The following CCDC77 variants were observed in gnomAD, a reference collection of about 807,000 sequenced individuals.
CCDC77 encodes the protein coiled-coil domain-containing protein 77.
In CCDC77, 56 loss-of-function variants were observed where a neutral mutation model predicts 66.8. That is an observed-to-expected ratio of 0.84 (90% CI 0.68 to 1.05). The LOEUF (loss-of-function observed/expected upper bound fraction) is 1.05, where lower values mean the gene tolerates loss of function less well. Among genes scored for constraint, CCDC77 ranks in the 50% least tolerant of loss-of-function variants. The probability of loss-of-function intolerance (pLI) is 0.00; values close to 1 mark genes in which losing one functional copy is unlikely to be tolerated. For synonymous variants in CCDC77, 196 were observed against 195.2 expected, an observed-to-expected ratio of 1.00 and a Z score of -0.03; for missense variants, 570 against 576.8, an observed-to-expected ratio of 0.99 and a Z score of 0.12.
chr12:439,314 G>A (rs1037156510), intron 10 of CCDC77, among the ~76,000 whole-genome samples: 7 of 152,092 alleles, frequency 4.6e-5, no homozygotes, highest in Admixed American at 2.6e-4. Context: ...GAGGTCAGGA[G>A]TTCGAGACCA....
rs79552519 is a variant in CCDC77 at position 431,723 on chromosome 12, G to A, written c.584-143G>A. The stretch of plus-strand genomic sequence containing the variant: ...ATTATGATGTTTCCCTTTGTCTTCC[G>A]AATCCCTTCATTAGTGAGAACCCCT... On this transcript the variant is annotated intron_variant, in intron 7 of 12. Transcript: ENST00000239830. The A allele has an allele frequency of 0.027, 14,774 of 550,274 alleles. 841 individuals are homozygous for A. The highest frequency in any genetic ancestry group is 0.18 in the African/African-American group (9,177 of 52,316). The allele number at this position is 550,274 out of a possible 1,614,324, so 34.1% of individuals were successfully genotyped here. A position where few individuals can be genotyped will look rare whatever the true frequency, so the allele number is the denominator to read the frequency against.
chr12:423,489 GTTTTGTTTTTTTTTTTTTTT>G (rs1945468318), intron 5 of CCDC77, among the ~76,000 whole-genome samples: 1 of 32,684 alleles, frequency 3.1e-5, no homozygotes, highest in Non-Finnish European at 5.6e-5. Context: ...GTTTTTTTTT[GTTTTGTTTTTTTTTTTTTTT>G]TTTTGAGACA....
upstream of CCDC77, among the ~76,000 whole-genome samples, chr12:396,834 C>T (rs1944834424): frequency 6.6e-6 from 1 of 152,190 alleles, no homozygotes; most frequent in South Asian, 2.1e-4. Context: ...CTTTGAATGC[C>T]ATACTACTGT....
intron 9 of CCDC77, among the ~76,000 whole-genome samples, chr12:438,093 A>G (rs932678720): frequency 6.6e-6 from 1 of 152,160 alleles, no homozygotes; most frequent in South Asian, 2.1e-4. Flanking sequence ...TGAAGTTCGC[A>G]CTCAGGAAAG....
chr12:391,792 A>G (rs1944759226), intron 1 of CCDC77, among the ~76,000 whole-genome samples: 1 of 152,248 alleles, frequency 6.6e-6, no homozygotes, highest in Admixed American at 6.5e-5. Flanking sequence ...TTTATTTGCC[A>G]CAGTACTTCT....
intron 9 of CCDC77, among the ~76,000 whole-genome samples, chr12:437,642 C>A (rs1390442754): frequency 2.0e-5 from 3 of 151,832 alleles, no homozygotes; most frequent in African/African-American, 7.3e-5. Flanking sequence ...GAGTTCCAGA[C>A]CAGACAAGCC....
At chr12:427,668 G>T (rs1464489402) in intron 5 of CCDC77, among the ~76,000 whole-genome samples, 1 of 151,708 alleles carries the variant, frequency 6.6e-6, no homozygotes, top group Non-Finnish European at 1.5e-5. Flanking sequence ...AGAGACCAAG[G>T]TTTCACCATG....
chr12:410,689 A>G (rs1945089939), intron 3 of CCDC77, among the ~76,000 whole-genome samples: 1 of 150,056 alleles, frequency 6.7e-6, no homozygotes, highest in African/African-American at 2.5e-5. Context: ...GGGATTACAC[A>G]CGCGTGCCAC....
intron 2 of CCDC77, among the ~76,000 whole-genome samples, chr12:407,193 T>A (rs1330539424): frequency 6.6e-6 from 1 of 151,924 alleles, no homozygotes; most frequent in Non-Finnish European, 1.5e-5. Context: ...AGGGCATAGG[T>A]GATAAGTAGT....
chr12:424,807 A>C (rs1342826053), intron 5 of CCDC77, among the ~76,000 whole-genome samples: 1 of 151,408 alleles, frequency 6.6e-6, no homozygotes, highest in African/African-American at 2.4e-5. Context: ...ATCCATTTTT[A>C]GTTAATTTTT....
intron 5 of CCDC77, among the ~76,000 whole-genome samples, chr12:424,930 T>C (rs1366186477): frequency 6.6e-6 from 1 of 151,092 alleles, no homozygotes; most frequent in Non-Finnish European, 1.5e-5. Context: ...TTTTTTTTTT[T>C]TTTTTTAATT....
intron 10 of CCDC77, among the ~76,000 whole-genome samples, chr12:439,115 C>T (rs1387482482): frequency 6.6e-6 from 1 of 152,004 alleles, no homozygotes; most frequent in African/African-American, 2.4e-5. Context: ...TTATTGCACT[C>T]GTACTATGGG....
chr12:438,528 C>A lies in CCDC77; in HGVS notation c.1015C>A (p.His339Asn). ...AGTGTTGCCCGTTATGCATGAGAGTCACCATGCTCAAAGTGAATATATTAA... is the reference window on the plus strand; with the variant it reads ...AGTGTTGCCCGTTATGCATGAGAGTAACCATGCTCAAAGTGAATATATTAA... Reference protein sequence around the residue: ...GKVLPVMHESHHAQSEYIKSL... With the variant: ...GKVLPVMHESNHAQSEYIKSL... The change falls in exon 10 of 13, where the codon CAC (histidine) becomes AAC (asparagine). Residue 339 changes from histidine to asparagine, a missense_variant. Transcript: ENST00000239830. 6.2e-7 allele frequency: 1 copy of A among 1,611,882 alleles called. No homozygotes were observed. The highest frequency in any genetic ancestry group is 1.1e-5 in the South Asian group (1 of 90,958).
rs1226812465 is a variant in CCDC77, at chr12:418,554, C to A, written c.331C>A (p.Leu111Ile). The change falls in exon 5 of 13, where the codon CTA (leucine) becomes ATA (isoleucine). Residue 111 changes from leucine (L) to isoleucine (I), a missense_variant. Coordinates refer to ENST00000239830, the MANE Select transcript of CCDC77 (RefSeq NM_032358.4). ...AGAGATTGCTGAATTGCAGAAAGCT[C>A]TAAGTGATATGCAGGTCTGCCTCTT... Reference protein sequence around the residue: ...EEEIAELQKALSDMQVCLFQE... With the variant: ...EEEIAELQKAISDMQVCLFQE... The A allele has an allele frequency of 1.9e-6, 3 of 1,613,798 alleles. No individual in the cohort carries two copies. Among genetic ancestry groups the A allele is most frequent in the Non-Finnish European group, 1.7e-6 (2 of 1,179,830 alleles).
intron 5 of CCDC77, among the ~76,000 whole-genome samples, chr12:426,183 T>G (rs1333308193): frequency 5.9e-5 from 9 of 152,160 alleles, no homozygotes; most frequent in Non-Finnish European, 1.0e-4. Context: ...TATACTGTAT[T>G]GACAGAAAGT....
In CCDC77 at chr12:408,789, T is replaced by A. The variant is rs114557129; in HGVS notation, c.-16-579T>A. ...GCAGATAACAAGGAGACTTTTCTACTTTGTGTGCTTATCCATTTAAATATT... is the reference window on the plus strand; with the variant it reads ...GCAGATAACAAGGAGACTTTTCTACATTGTGTGCTTATCCATTTAAATATT... On this transcript the variant is annotated intron_variant, in intron 2 of 12. Transcript: ENST00000239830. Among the ~76,000 whole-genome samples the A allele has an allele frequency of 8.0e-3, 1,222 of 152,366 alleles. 24 individuals carry two copies. The highest frequency in any genetic ancestry group is 0.028 in the African/African-American group (1,155 of 41,578).
At chr12:423,477 GTGTTTT>G (rs1945462757) in intron 5 of CCDC77, among the ~76,000 whole-genome samples, 4 of 24,958 alleles carry the variant, frequency 1.6e-4, no homozygotes, top group African/African-American at 3.9e-4. Flanking sequence ...TGTGTTTTTT[GTGTTTT>G]TTTTTGTTTT....
rs1945264958 is a variant in CCDC77 at position 416,347 on chromosome 12, GTGT to G, written c.271-2146_271-2144del. 3.2e-4 allele frequency among the ~76,000 whole-genome samples: 9 copies of G among 28,342 alleles called. 2 individuals are homozygous for G. The highest frequency in any genetic ancestry group is 1.5e-3 in the Admixed American group (2 of 1,368). 18.6% of individuals were successfully genotyped at this position (28,342 alleles called of 152,430 possible). ...TGTGAGTCTGTGGGTGTGTGGGGGT[GTGT>G]GTGTGTGTGTGTGTGTGTGTGTGTG... On this transcript the variant is annotated intron_variant, in intron 4 of 12. Transcript: ENST00000239830.
Position 442,025 on chromosome 12 carries a change from G to A in CCDC77, c.*105G>A. On this transcript the variant is annotated 3_prime_UTR_variant, in exon 13 of 13. Coordinates refer to ENST00000239830, the MANE Select transcript of CCDC77 (RefSeq NM_032358.4). Reference sequence around the variant, plus strand: ...AATGTAAACCTGAGTTGACTAGAGTGGTGGTATTCATTATTGTAAAGACAG... The same window carrying A: ...AATGTAAACCTGAGTTGACTAGAGTAGTGGTATTCATTATTGTAAAGACAG... 1 of 1,200,192 alleles carries A rather than the reference G, an allele frequency of 8.3e-7. No homozygotes were observed. Among genetic ancestry groups the A allele is most frequent in the Non-Finnish European group, 1.2e-6 (1 of 835,128 alleles). The allele number at this position is 1,200,192 out of a possible 1,614,324, so 74.3% of individuals were successfully genotyped here.
Sources: allele counts gnomAD v4.1 joint callset (sites outside exome capture counted in the v4.1 genomes callset), GRCh38; gene constraint gnomAD v4.1.1; transcripts MANE v1.5; gene names NCBI Gene and HGNC (gene_info 2026-07-23, HGNC 2026-07-21).